KCNIP4: variants seen among roughly 807,000 people sequenced by gnomAD.
KCNIP4 encodes the protein potassium voltage-gated channel interacting protein 4.
A neutral mutation model predicts 34.0 loss-of-function variants in KCNIP4; 12 were observed. That is an observed-to-expected ratio of 0.35 (90% CI 0.23 to 0.57). KCNIP4 has a LOEUF of 0.57. Ranked by LOEUF, KCNIP4 falls within the 20% of genes least tolerant of loss-of-function variation. The probability of loss-of-function intolerance (pLI) is 0.83; values close to 1 mark genes in which losing one functional copy is unlikely to be tolerated. For synonymous variants in KCNIP4, 124 were observed against 102.2 expected (o/e 1.21, Z -1.29); for missense variants, 238 against 311.7 (o/e 0.76, Z 1.78).
At chr4:21,863,072 C>T (rs1448792213) in intron 1 of KCNIP4, among the ~76,000 whole-genome samples, 1 of 151,694 alleles carries the variant, frequency 6.6e-6, no homozygotes, top group Non-Finnish European at 1.5e-5. Context: ...TCATCGCCAA[C>T]AATAAGGGCA....
intron 1 of KCNIP4, among the ~76,000 whole-genome samples, chr4:21,868,740 C>T (rs1347385468): frequency 1.3e-5 from 2 of 152,140 alleles, no homozygotes; most frequent in Non-Finnish European, 2.9e-5. Flanking sequence ...TCCTGAAACA[C>T]ATTTCAGGAA....
Position 20,749,658 on chromosome 4 carries a change from T to C in KCNIP4, c.429+4A>G. 6 of 1,591,612 alleles carry C rather than the reference T, an allele frequency of 3.8e-6. No individual in the cohort carries two copies. The highest frequency in any genetic ancestry group is 5.2e-6 in the Non-Finnish European group (6 of 1,161,672). On this transcript the variant is annotated splice_donor_region_variant and intron_variant, in intron 5 of 8. Coordinates refer to ENST00000382152, the MANE Select transcript of KCNIP4 (RefSeq NM_025221.6). ...AAATGATATGAAAATAATCCAGAGC[T>C]TACCTCGAAACTCACAGCTCCATTG...
At chr4:21,283,908 C>T (rs1413011793) in intron 1 of KCNIP4, among the ~76,000 whole-genome samples, 2 of 151,802 alleles carry the variant, frequency 1.3e-5, no homozygotes, top group Admixed American at 6.6e-5. Flanking sequence ...ATTAAATTGC[C>T]TGCTTTGAAA....
In KCNIP4 at chr4:21,499,346, A is replaced by AAAAAAAAAAAAAAAC. The variant is rs1491409328; in HGVS notation, c.61+449224_61+449225insGTTTTTTTTTTTTTT. Among the ~76,000 whole-genome samples the AAAAAAAAAAAAAAAC allele has an allele frequency of 3.4e-3, 505 of 148,616 alleles. 7 individuals carry two copies. The highest frequency in any genetic ancestry group is 0.011 in the African/African-American group (455 of 39,878). On this transcript the variant is annotated intron_variant, in intron 1 of 8. Transcript: ENST00000382152. ...ACTCCATCTCAAAAAAAAAAAAAAA[A>AAAAAAAAAAAAAAAC]CAACTACATAATATTATAATTTTAT...
chr4:21,191,830 A>G (rs1253368496), intron 1 of KCNIP4, among the ~76,000 whole-genome samples: 2 of 152,186 alleles, frequency 1.3e-5, no homozygotes, highest in Non-Finnish European at 2.9e-5. Flanking sequence ...TGTAAAGGAG[A>G]CAGCCAATGG....
chr4:21,472,143 A>G (rs1730521864), intron 1 of KCNIP4, among the ~76,000 whole-genome samples: 1 of 152,210 alleles, frequency 6.6e-6, no homozygotes, highest in African/African-American at 2.4e-5. Context: ...CTGCCCAGTC[A>G]GGGACTACAT....
intron 1 of KCNIP4, among the ~76,000 whole-genome samples, chr4:20,974,317 A>G (rs946218202): frequency 2.6e-5 from 4 of 152,202 alleles, no homozygotes; most frequent in Non-Finnish European, 5.9e-5. Flanking sequence ...TTTGAGGGAC[A>G]GTGCATCAGG....
chr4:21,442,249 A>G (rs1727548445), intron 1 of KCNIP4, among the ~76,000 whole-genome samples: 1 of 151,656 alleles, frequency 6.6e-6, no homozygotes, highest in East Asian at 1.9e-4. Flanking sequence ...AAAAAGTGAG[A>G]CTCTTCATAA....
chr4:21,709,865 A>G (rs1241171346), intron 1 of KCNIP4, among the ~76,000 whole-genome samples: 1 of 152,206 alleles, frequency 6.6e-6, no homozygotes, highest in Non-Finnish European at 1.5e-5. Context: ...TGATGCTTTT[A>G]TAACTAACTA....
intron 1 of KCNIP4, among the ~76,000 whole-genome samples, chr4:21,602,829 G>A (rs1422833991): frequency 6.6e-6 from 1 of 151,994 alleles, no homozygotes; most frequent in African/African-American, 2.4e-5. Context: ...TTCAAGGGAG[G>A]TACTTTAAAT....
intron 1 of KCNIP4, among the ~76,000 whole-genome samples, chr4:21,262,580 C>T (rs138492123): frequency 1.0e-3 from 158 of 152,318 alleles, no homozygotes; most frequent in Non-Finnish European, 1.9e-3. Context: ...AGCCAGTTAT[C>T]CTCTGAGGAT....
chr4:21,768,849 C>A (rs1718593531), intron 1 of KCNIP4, among the ~76,000 whole-genome samples: 1 of 152,020 alleles, frequency 6.6e-6, no homozygotes, highest in South Asian at 2.1e-4. Flanking sequence ...TGTTTATCAT[C>A]TAAAATCAAA....
At chr4:21,836,052 T>C (rs771269873) in intron 1 of KCNIP4, among the ~76,000 whole-genome samples, 2 of 152,050 alleles carry the variant, frequency 1.3e-5, no homozygotes, top group Non-Finnish European at 2.9e-5. Flanking sequence ...AAGCCAAAAT[T>C]CAGGAACCTC....
At chr4:21,452,901 T>C (rs1249010152) in intron 1 of KCNIP4, among the ~76,000 whole-genome samples, 1 of 152,062 alleles carries the variant, frequency 6.6e-6, no homozygotes, top group African/African-American at 2.4e-5. Context: ...AATGCATTCT[T>C]TTGTTCTTAT....
chr4:21,425,487 G>C (rs1035450007), intron 1 of KCNIP4, among the ~76,000 whole-genome samples: 2 of 152,042 alleles, frequency 1.3e-5, no homozygotes, highest in Non-Finnish European at 2.9e-5. Context: ...TGCACATAAA[G>C]TGGTAAGAAT....
intron 3 of KCNIP4, among the ~76,000 whole-genome samples, chr4:20,810,282 C>T (rs1715564935): frequency 6.6e-6 from 1 of 152,078 alleles, no homozygotes; most frequent in Admixed American, 6.5e-5. Context: ...TGTATCGTCC[C>T]CTCTGGCATC....
intron 1 of KCNIP4, among the ~76,000 whole-genome samples, chr4:21,038,112 G>T (rs1741616352): frequency 2.6e-5 from 4 of 152,108 alleles, no homozygotes; most frequent in Non-Finnish European, 5.9e-5. Context: ...CGAGTAGCTG[G>T]GATTACAGGC....
intron 1 of KCNIP4, among the ~76,000 whole-genome samples, chr4:21,753,676 G>A (rs1464665032): frequency 2.0e-5 from 3 of 152,150 alleles, no homozygotes; most frequent in African/African-American, 4.8e-5. Flanking sequence ...TGGGTTAGTA[G>A]GGAAGCCCGG....
chr4:21,043,494 T>C (rs1417792573), intron 1 of KCNIP4, among the ~76,000 whole-genome samples: 1 of 143,328 alleles, frequency 7.0e-6, no homozygotes, highest in Non-Finnish European at 1.6e-5. Flanking sequence ...CATGCCCAGC[T>C]AATTTTTTTT....
Sources: gnomAD v4.1 joint callset for allele counts (sites outside exome capture counted in the v4.1 genomes callset) on GRCh38, gnomAD v4.1.1 for gene constraint, MANE v1.5 for transcripts, NCBI Gene and HGNC (gene_info 2026-07-23, HGNC 2026-07-21) for gene names.